PTP4A1: variants seen among roughly 807,000 people sequenced by gnomAD.
PTP4A1 encodes protein tyrosine phosphatase type IVA 1.
A neutral mutation model predicts 20.5 loss-of-function variants in PTP4A1; 9 were observed. The observed-to-expected ratio is 0.44, with a 90% confidence interval of 0.26 to 0.77. The LOEUF (loss-of-function observed/expected upper bound fraction) is 0.77, where lower values mean the gene tolerates loss of function less well. Ranked by LOEUF, PTP4A1 falls within the 30% of genes least tolerant of loss-of-function variation. PTP4A1 has a pLI of 0.19. For missense variants in PTP4A1, 137 were observed against 218.8 expected, an observed-to-expected ratio of 0.63 and a Z score of 2.36; for synonymous variants, 78 against 67.4, an observed-to-expected ratio of 1.16 and a Z score of -0.77.
At chr6:63,566,120 T>C (rs1777180308) in intron 3 of PTP4A1, among the ~76,000 whole-genome samples, 1 of 152,244 alleles carries the variant, frequency 6.6e-6, no homozygotes, top group Admixed American at 6.5e-5. Context: ...ACTGAACCCA[T>C]AGCTGGAGTT....
At chr6:63,572,261 C>G (rs1005995905), upstream of PTP4A1, 10 of 180,142 alleles carry the variant, frequency 5.6e-5, no homozygotes, top group Non-Finnish European at 1.0e-4. Flanking sequence ...GCACTCCCGG[C>G]AGCCCCTTCC....
chr6:63,575,201 T>G (rs199703036), intron 1 of PTP4A1, among the ~76,000 whole-genome samples: 3 of 152,222 alleles, frequency 2.0e-5, no homozygotes, highest in Admixed American at 1.3e-4. Context: ...AGACTTCAAA[T>G]GCTTAAATTT....
chr6:63,579,102 T>C (rs1778054045), intron 4 of PTP4A1, 74 bp downstream of exon 4: 4 of 1,413,634 alleles, frequency 2.8e-6, no homozygotes, highest in Non-Finnish European at 3.7e-6. Flanking sequence ...GAAAAATTCT[T>C]ATAATTTTTT....
At chr6:63,541,138 A>G (rs570753198) in intron 2 of PTP4A1, among the ~76,000 whole-genome samples, 8 of 152,312 alleles carry the variant, frequency 5.3e-5, no homozygotes, top group Admixed American at 3.3e-4. Context: ...TGAGCTCTAT[A>G]TAGTTTAAAA....
In PTP4A1 at chr6:63,578,324, A is replaced by G. The variant is rs139998791; in HGVS notation, c.106-113A>G. Reference sequence around the variant, plus strand: ...ATAAATGGATTCTAGCATTCTTTAAATGATCTTCTGTTAACCAGCATACTT... The same window carrying G: ...ATAAATGGATTCTAGCATTCTTTAAGTGATCTTCTGTTAACCAGCATACTT... On this transcript the variant is annotated intron_variant, in intron 2 of 5. Transcript: ENST00000626021. 634 of 1,235,912 alleles carry G rather than the reference A, an allele frequency of 5.1e-4. 2 individuals carry two copies. In the African/African-American group the frequency reaches 8.8e-3, roughly 17 times the overall value. 76.6% of individuals were successfully genotyped at this position (1,235,912 alleles called of 1,614,324 possible).
At chr6:63,521,248 A>G (rs940516696), upstream of PTP4A1, among the ~76,000 whole-genome samples, 1 of 152,116 alleles carries the variant, frequency 6.6e-6, no homozygotes, top group African/African-American at 2.4e-5. Context: ...AAAAAATAAA[A>G]CTGAGCAAGA....
chr6:63,543,644 G>T lies in PTP4A1; in HGVS notation c.-639-6656G>T, dbSNP rs532883639. Reference sequence around the variant, plus strand: ...AAGAAGGTTGTGACCTACACACTGTGCCCATTCATCCAATTGGTTCCCCAG... The same window carrying T: ...AAGAAGGTTGTGACCTACACACTGTTCCCATTCATCCAATTGGTTCCCCAG... On this transcript the variant is annotated intron_variant, in intron 2 of 3. Transcript: ENST00000639568. Among the ~76,000 whole-genome samples the T allele has an allele frequency of 2.0e-5, 3 of 152,272 alleles. No individual in the cohort carries two copies. The East Asian group carries it at 5.8e-4, about 29-fold the overall frequency.
chr6:63,573,212 G>C (rs555182517), intron 1 of PTP4A1: 1 of 153,140 alleles, frequency 6.5e-6, no homozygotes, highest in South Asian at 2.1e-4. Context: ...GACGTGGCCC[G>C]GGGTGGGGCG....
At chr6:63,549,351 G>C (rs979116694) in intron 2 of PTP4A1, 10 of 754,260 alleles carry the variant, frequency 1.3e-5, no homozygotes, top group Non-Finnish European at 1.9e-5. Flanking sequence ...ATTTCACAAA[G>C]CTGGTTAGGT....
chr6:63,572,762 C>G (rs1452488196), intron 1 of PTP4A1, 43 bp downstream of exon 1: 9 of 398,192 alleles, frequency 2.3e-5, no homozygotes, highest in African/African-American at 2.1e-5. Flanking sequence ...TGGGAATCCA[C>G]GACCGGCCCC....
chr6:63,538,727 C>G (rs1320934219), intron 2 of PTP4A1, among the ~76,000 whole-genome samples: 1 of 152,160 alleles, frequency 6.6e-6, no homozygotes, highest in Non-Finnish European at 1.5e-5. Flanking sequence ...GTCCCAGAAT[C>G]ACATGGAAGG....
At chr6:63,541,519 C>T (rs2800037) in intron 2 of PTP4A1, among the ~76,000 whole-genome samples, 2 of 152,174 alleles carry the variant, frequency 1.3e-5, no homozygotes, top group Non-Finnish European at 2.9e-5. Flanking sequence ...CGCCATTGCA[C>T]TCCAGCCTGG....
chr6:63,550,100 A>T (rs1776371402), intron 2 of PTP4A1, among the ~76,000 whole-genome samples: 1 of 152,182 alleles, frequency 6.6e-6, no homozygotes, highest in Non-Finnish European at 1.5e-5. Flanking sequence ...TCAACTTGAA[A>T]CGTTTAAACA....
At chr6:63,521,676 C>T (rs1043821089), upstream of PTP4A1, 1 of 152,084 alleles carries the variant, frequency 6.6e-6, no homozygotes, top group Admixed American at 6.6e-5. Flanking sequence ...GATATATTAC[C>T]CTTTCTCTGC....
rs1359861202 is a variant in PTP4A1 at position 63,576,798 on chromosome 6, A to T, written c.-83A>T. ...TTTCAAGTGGAGTATATTGAAGTAG[A>T]CTTCAGTTTCTTTGCATCATTTCTG... On this transcript the variant is annotated 5_prime_UTR_variant, in exon 2 of 6. Transcript: ENST00000626021. The T allele has an allele frequency of 1.8e-6, 2 of 1,092,038 alleles. No individual in the cohort carries two copies. Among genetic ancestry groups the T allele is most frequent in the East Asian group, 4.8e-5 (2 of 41,346 alleles). 67.6% of individuals were successfully genotyped at this position (1,092,038 alleles called of 1,614,324 possible). A position where few individuals can be genotyped will look rare whatever the true frequency, so the allele number is the denominator to read the frequency against.
At chr6:63,541,532 G>A (rs1301969332) in intron 2 of PTP4A1, among the ~76,000 whole-genome samples, 3 of 152,100 alleles carry the variant, frequency 2.0e-5, no homozygotes, top group African/African-American at 4.8e-5. Flanking sequence ...CAGCCTGGGC[G>A]ACCTTGTCTC....
chr6:63,560,544 C>CGTGTAT (rs1323006050), intron 3 of PTP4A1, among the ~76,000 whole-genome samples: 1 of 151,488 alleles, frequency 6.6e-6, no homozygotes, highest in Admixed American at 6.6e-5. Context: ...GCATTACAGG[C>CGTGTAT]GTGTACCACC....
chr6:63,579,023 T>A lies in PTP4A1; in HGVS notation c.324T>A (p.Leu108=). The A allele has an allele frequency of 1.3e-6, 2 of 1,578,950 alleles. No individual in the cohort carries two copies. The highest frequency in any genetic ancestry group is 1.7e-6 in the Non-Finnish European group (2 of 1,168,686). Residue 108 remains leucine (L), a synonymous_variant, in exon 4 of 6, where the codon CTT becomes CTA. Transcript: ENST00000626021. The part of the protein sequence containing the change: ...CCIAVHCVAG[L]GRAPVLVALA... The stretch of plus-strand genomic sequence containing the variant: ...TTGCTGTTCATTGCGTTGCAGGCCT[T>A]GGGAGGTAAATGAATTTATCAATTT...
Position 63,581,531 on chromosome 6 carries a change from TC to T in PTP4A1, c.*1358del, listed in dbSNP as rs1778225089. 6.6e-6 allele frequency: 1 copy of T among 152,376 alleles called. No homozygotes were observed. Among genetic ancestry groups the T allele is most frequent in the African/African-American group, 2.4e-5 (1 of 41,446 alleles). The allele number at this position is 152,376 out of a possible 1,614,324, so 9.4% of individuals were successfully genotyped here. A position where few individuals can be genotyped will look rare whatever the true frequency, so the allele number is the denominator to read the frequency against. ...ATTGCACTTCACTTAATGTGTGTCC[TC>T]ATCTTTTTACAAATAAATGAAGGAT... On this transcript the variant is annotated 3_prime_UTR_variant, in exon 6 of 6. Coordinates refer to ENST00000626021, the MANE Select transcript of PTP4A1 (RefSeq NM_003463.5).
Sources: allele counts gnomAD v4.1 joint callset (sites outside exome capture counted in the v4.1 genomes callset), GRCh38; gene constraint gnomAD v4.1.1; transcripts MANE v1.5; gene names NCBI Gene and HGNC (gene_info 2026-07-23, HGNC 2026-07-21).